The following SYT1 variants were observed in gnomAD, a reference collection of about 807,000 sequenced individuals.
SYT1 encodes the protein synaptotagmin 1.
SYT1 carries 8 observed loss-of-function variants against 44.8 expected under a neutral mutation model. The observed-to-expected ratio is 0.18, with a 90% CI of 0.10 to 0.32. The LOEUF (loss-of-function observed/expected upper bound fraction) is 0.32, where lower values mean the gene tolerates loss of function less well. Ranked by LOEUF, SYT1 falls within the 10% of genes least tolerant of loss-of-function variation. The probability of loss-of-function intolerance (pLI) is 1.00; values close to 1 mark genes in which losing one functional copy is unlikely to be tolerated. For synonymous variants in SYT1, 154 were observed against 188.8 expected (o/e 0.82, Z 1.51); for missense variants, 286 against 509.3 (o/e 0.56, Z 4.22).
intron 2 of SYT1, among the ~76,000 whole-genome samples, chr12:78,980,767 A>G (rs1241336742): frequency 1.3e-5 from 2 of 152,214 alleles, no homozygotes; most frequent in African/African-American, 2.4e-5. Flanking sequence ...TAGACAAAAA[A>G]TATTACATTA....
chr12:79,034,180 T>C (rs1872983656), intron 2 of SYT1, among the ~76,000 whole-genome samples: 1 of 151,552 alleles, frequency 6.6e-6, no homozygotes, highest in African/African-American at 2.4e-5. Context: ...AGATGTTTTA[T>C]CTTGAAAATT....
At chr12:79,190,879 G>A (rs1439484308) in intron 3 of SYT1, among the ~76,000 whole-genome samples, 1 of 151,396 alleles carries the variant, frequency 6.6e-6, no homozygotes, top group South Asian at 2.1e-4. Context: ...TACATGTTTT[G>A]TATCTACAAA....
intron 3 of SYT1, among the ~76,000 whole-genome samples, chr12:79,210,236 T>A (rs919900224): frequency 6.6e-6 from 1 of 152,092 alleles, no homozygotes; most frequent in South Asian, 2.1e-4. Context: ...ACTATAAACT[T>A]TTTTTCATAT....
At chr12:78,975,845 T>C (rs1157379991) in intron 1 of SYT1, among the ~76,000 whole-genome samples, 1 of 152,194 alleles carries the variant, frequency 6.6e-6, no homozygotes, top group Non-Finnish European at 1.5e-5. Context: ...TTCAGAGAGT[T>C]GAGGGGAAGC....
At chr12:78,865,780 C>G (rs1257892983) in intron 1 of SYT1, among the ~76,000 whole-genome samples, 4 of 152,116 alleles carry the variant, frequency 2.6e-5, no homozygotes, top group African/African-American at 9.7e-5. Flanking sequence ...CAATCCAACC[C>G]ACTTTCAACT....
At chr12:79,354,533 T>C (rs1254749814) in intron 9 of SYT1, among the ~76,000 whole-genome samples, 4 of 152,196 alleles carry the variant, frequency 2.6e-5, no homozygotes, top group Admixed American at 2.6e-4. Context: ...TAAAAAGTGC[T>C]ACAGCTGAGC....
chr12:78,922,090 T>C (rs559293023), intron 1 of SYT1, among the ~76,000 whole-genome samples: 1 of 152,098 alleles, frequency 6.6e-6, no homozygotes, highest in East Asian at 1.9e-4. Context: ...AAAATTATCC[T>C]AGGGTTTACT....
chr12:79,373,706 AT>A (rs965352497), intron 9 of SYT1, among the ~76,000 whole-genome samples: 38 of 152,072 alleles, frequency 2.5e-4, no homozygotes, highest in African/African-American at 7.0e-4. Context: ...GAAGTTTTTT[AT>A]TTTTTTTAAA....
intron 9 of SYT1, among the ~76,000 whole-genome samples, chr12:79,384,465 A>C (rs1196835605): frequency 6.6e-6 from 1 of 152,218 alleles, no homozygotes; most frequent in African/African-American, 2.4e-5. Flanking sequence ...GCACGTAATC[A>C]GAGTGGCTGT....
At chr12:79,038,234 CAT>C (rs140370945) in intron 2 of SYT1, among the ~76,000 whole-genome samples, 3 of 149,028 alleles carry the variant, frequency 2.0e-5, no homozygotes, top group East Asian at 3.9e-4. Context: ...TACACACATA[CAT>C]ATATATATAT....
intron 1 of SYT1, among the ~76,000 whole-genome samples, chr12:78,926,305 T>C (rs1342318193): frequency 1.3e-5 from 2 of 152,122 alleles, no homozygotes; most frequent in African/African-American, 2.4e-5. Flanking sequence ...GCTTTGATTC[T>C]GGAAATGTCT....
At chr12:79,143,001 A>C (rs558286317) in intron 3 of SYT1, among the ~76,000 whole-genome samples, 3 of 152,210 alleles carry the variant, frequency 2.0e-5, no homozygotes, top group Non-Finnish European at 4.4e-5. Flanking sequence ...CATAATAACA[A>C]AACTTCAAAC....
intron 3 of SYT1, among the ~76,000 whole-genome samples, chr12:79,178,859 T>G (rs1872071690): frequency 6.7e-6 from 1 of 148,664 alleles, no homozygotes; most frequent in Non-Finnish European, 1.5e-5. Context: ...CTCACTGCAA[T>G]CTCCTCAGCC....
intron 5 of SYT1, among the ~76,000 whole-genome samples, chr12:79,291,571 T>C (rs1344977739): frequency 6.6e-6 from 1 of 152,216 alleles, no homozygotes; most frequent in Non-Finnish European, 1.5e-5. Context: ...AGGCCATGCA[T>C]TTTATATTAA....
chr12:78,974,791 AT>A (rs1290563394), intron 1 of SYT1, among the ~76,000 whole-genome samples: 1 of 151,962 alleles, frequency 6.6e-6, no homozygotes, highest in Admixed American at 6.6e-5. Context: ...AGGTACAAGA[AT>A]TTTTTTAATC....
intron 10 of SYT1, among the ~76,000 whole-genome samples, chr12:79,446,632 A>T (rs1180163558): frequency 6.6e-6 from 1 of 152,146 alleles, no homozygotes; most frequent in Non-Finnish European, 1.5e-5. Flanking sequence ...TTTAAATACA[A>T]CCTTTATCAT....
At chr12:79,182,988 A>G (rs1196479684) in intron 3 of SYT1, among the ~76,000 whole-genome samples, 1 of 152,136 alleles carries the variant, frequency 6.6e-6, no homozygotes, top group Non-Finnish European at 1.5e-5. Context: ...ATAATCGTTC[A>G]GAGTAAGAAC....
intron 3 of SYT1, among the ~76,000 whole-genome samples, chr12:79,169,304 C>T (rs1172575624): frequency 6.6e-6 from 1 of 151,904 alleles, no homozygotes; most frequent in Non-Finnish European, 1.5e-5. Context: ...AAATGTACTA[C>T]TATTCACTGG....
intron 2 of SYT1, among the ~76,000 whole-genome samples, chr12:79,042,259 C>T (rs1172585056): frequency 1.5e-4 from 22 of 151,656 alleles, no homozygotes; most frequent in African/African-American, 5.1e-4. Context: ...TGGTCCTGGA[C>T]TCTTTTTGGT....
Sources: allele counts gnomAD v4.1 joint callset (sites outside exome capture counted in the v4.1 genomes callset), GRCh38; gene constraint gnomAD v4.1.1; transcripts MANE v1.5; gene names NCBI Gene and HGNC (gene_info 2026-07-23, HGNC 2026-07-21).